Variants in CFAP44 observed in about 807,000 individuals in gnomAD.
CFAP44 encodes cilia- and flagella-associated protein 44.
CFAP44 carries 134 observed loss-of-function variants against 216.2 expected under a neutral mutation model. The ratio of observed to expected loss-of-function variants is 0.62; its 90% CI spans 0.54 to 0.72. The LOEUF (loss-of-function observed/expected upper bound fraction) is 0.72, where lower values mean the gene tolerates loss of function less well. Ranked by LOEUF, CFAP44 falls within the 30% of genes least tolerant of loss-of-function variation. The probability of loss-of-function intolerance (pLI) is 0.00; values close to 1 mark genes in which losing one functional copy is unlikely to be tolerated. For synonymous variants in CFAP44, 700 were observed against 727.6 expected, an observed-to-expected ratio of 0.96 and a Z score of 0.61; for missense variants, 2,035 against 2,182.1, an observed-to-expected ratio of 0.93 and a Z score of 1.34.
chr3:113,322,473 A>G (rs190620811), intron 28 of CFAP44, among the ~76,000 whole-genome samples: 1 of 152,264 alleles, frequency 6.6e-6, no homozygotes, highest in Admixed American at 6.5e-5. Context: ...AGCAGGCAAC[A>G]AACATGAAAA....
chr3:113,363,009 A>G, intron 21 of CFAP44, 136 bp downstream of exon 21: 1 of 1,385,346 alleles, frequency 7.2e-7, no homozygotes, highest in African/African-American at 1.5e-5. Flanking sequence ...GCCCAAAATA[A>G]ATGGCTATTG....
intron 34 of CFAP44, among the ~76,000 whole-genome samples, chr3:113,292,495 T>C (rs1949839922): frequency 6.6e-6 from 1 of 152,222 alleles, no homozygotes; most frequent in Non-Finnish European, 1.5e-5. Context: ...AATGCATGAA[T>C]ACATCTGTGA....
intron 32 of CFAP44, 148 bp downstream of exon 32, chr3:113,303,768 G>A (rs980924231): frequency 8.5e-6 from 7 of 824,284 alleles, no homozygotes; most frequent in Non-Finnish European, 1.1e-5. Flanking sequence ...GAGAAACGGT[G>A]AGTAGGAAGA....
intron 18 of CFAP44, among the ~76,000 whole-genome samples, chr3:113,369,654 T>C (rs1933082627): frequency 6.6e-6 from 1 of 152,018 alleles, no homozygotes; most frequent in African/African-American, 2.4e-5. Flanking sequence ...CACCCTAATA[T>C]TGCAATTAAA....
At chr3:113,397,160 C>T (rs1396273204) in intron 13 of CFAP44, 3 of 162,748 alleles carry the variant, frequency 1.8e-5, no homozygotes, top group Admixed American at 1.7e-4. Context: ...AGGCTGACCT[C>T]GACTTATGGC....
intron 6 of CFAP44, among the ~76,000 whole-genome samples, 154 bp from the exon 7 acceptor site, chr3:113,409,476 G>T (rs1337703971): frequency 1.3e-5 from 2 of 152,164 alleles, no homozygotes; most frequent in Non-Finnish European, 2.9e-5. Flanking sequence ...TCCATCTTTG[G>T]CTTTAGAATG....
In CFAP44 at chr3:113,406,712, A is replaced by C. The variant is rs11919091; in HGVS notation, c.1005+215T>G. ...ATATGTGTGTACCATATTTAGTAAA[A>C]AGAAAATAGAAAATGGTAGGTAAGT... On this transcript the variant is annotated intron_variant, in intron 8 of 34. Coordinates refer to ENST00000393845, the MANE Select transcript of CFAP44 (RefSeq NM_001164496.2). 9.3e-3 allele frequency among the ~76,000 whole-genome samples: 1,422 copies of C among 152,292 alleles called. 20 individuals carry two copies. Among genetic ancestry groups the C allele is most frequent in the African/African-American group, 0.032 (1,329 of 41,564 alleles).
At chr3:113,367,001 C>T (rs1012348827) in intron 18 of CFAP44, among the ~76,000 whole-genome samples, 9 of 151,676 alleles carry the variant, frequency 5.9e-5, no homozygotes, top group Admixed American at 1.3e-4. Flanking sequence ...TGCAGCCCGG[C>T]GGGTGGAGGG....
At chr3:113,331,201 T>A (rs779516865) in intron 25 of CFAP44, among the ~76,000 whole-genome samples, 1 of 152,206 alleles carries the variant, frequency 6.6e-6, no homozygotes, top group African/African-American at 2.4e-5. Context: ...TTCAGTAGCA[T>A]GTCACACCAA....
intron 23 of CFAP44, among the ~76,000 whole-genome samples, chr3:113,344,304 A>G (rs144808013): frequency 2.8e-4 from 42 of 152,062 alleles, no homozygotes; most frequent in Admixed American, 1.1e-3. Flanking sequence ...GACATGGAGC[A>G]TTTCTTGGGA....
intron 9 of CFAP44, among the ~76,000 whole-genome samples, chr3:113,402,710 T>C (rs1453459340): frequency 6.6e-6 from 1 of 152,150 alleles, no homozygotes; most frequent in East Asian, 1.9e-4. Context: ...AAAGATTTAC[T>C]GTGTGAAGGA....
chr3:113,347,513 G>A (rs1261219623), intron 22 of CFAP44, among the ~76,000 whole-genome samples: 1 of 152,082 alleles, frequency 6.6e-6, no homozygotes, highest in Admixed American at 6.5e-5. Context: ...TGCTTTTCTA[G>A]TTTCTCCTAT....
Position 113,378,730 on chromosome 3 carries a change from G to GC in CFAP44, c.2298+575dup, listed in dbSNP as rs908745416. 2.7e-4 allele frequency among the ~76,000 whole-genome samples: 41 copies of GC among 152,222 alleles called. No individual in the cohort carries two copies. In the Middle Eastern group the frequency reaches 0.01, roughly 38 times the overall value. On this transcript the variant is annotated intron_variant, in intron 17 of 34. Transcript: ENST00000393845. ...ATATACTCCTACAGCCTTGTGATAG[G>GC]CCCTGGTACTTTCTTCCTAATATCC...
rs900991595 is a variant in CFAP44 at position 113,289,977 on chromosome 3, C to T, written c.*1580G>A. Reference sequence around the variant, plus strand: ...TGTGACTGCAACTCCACGAAAGACCCTGAGCCAGAACACCCGGCCAAGCTG... The same window carrying T: ...TGTGACTGCAACTCCACGAAAGACCTTGAGCCAGAACACCCGGCCAAGCTG... On this transcript the variant is annotated 3_prime_UTR_variant, in exon 35 of 35. Transcript: ENST00000393845. The T allele has an allele frequency of 1.3e-5, 2 of 152,282 alleles. No individual in the cohort carries two copies. The highest frequency in any genetic ancestry group is 1.3e-4 in the Admixed American group (2 of 15,288). 9.4% of individuals were successfully genotyped at this position (152,282 alleles called of 1,614,324 possible).
At chr3:113,366,791 G>T (rs1225972786) in intron 18 of CFAP44, among the ~76,000 whole-genome samples, 1 of 152,242 alleles carries the variant, frequency 6.6e-6, no homozygotes, top group African/African-American at 2.4e-5. Flanking sequence ...GGGGTCAGGA[G>T]ATTTTCCTTT....
At chr3:113,319,184 G>T (rs1449004678) in intron 28 of CFAP44, among the ~76,000 whole-genome samples, 1 of 152,114 alleles carries the variant, frequency 6.6e-6, no homozygotes, top group Non-Finnish European at 1.5e-5. Context: ...TTGTCTTCAA[G>T]AGGCCCATCT....
At chr3:113,418,748 C>T (rs7626435) in intron 5 of CFAP44, among the ~76,000 whole-genome samples, 2,548 of 152,078 alleles carry the variant, frequency 0.017, 55 homozygotes, top group African/African-American at 0.05. Flanking sequence ...CCCTGTCGCC[C>T]AGGCTGAAGT....
chr3:113,339,144 T>C (rs1473012132), intron 24 of CFAP44, among the ~76,000 whole-genome samples: 1 of 152,138 alleles, frequency 6.6e-6, no homozygotes, highest in Non-Finnish European at 1.5e-5. Context: ...AAATGAATGG[T>C]TCCTTCCTGA....
intron 33 of CFAP44, 106 bp from the exon 34 acceptor site, chr3:113,294,927 G>T: frequency 2.3e-6 from 3 of 1,288,094 alleles, no homozygotes; most frequent in African/African-American, 1.5e-5. Context: ...GGAGCAATGT[G>T]CCCATATGAA....
Sources: gnomAD v4.1 joint callset for allele counts (sites outside exome capture counted in the v4.1 genomes callset) on GRCh38, gnomAD v4.1.1 for gene constraint, MANE v1.5 for transcripts, NCBI Gene and HGNC (gene_info 2026-07-23, HGNC 2026-07-21) for gene names.